The following IQCM variants were observed in gnomAD, a reference collection of about 807,000 sequenced individuals.
IQCM encodes IQ motif containing M.
IQCM carries 45 observed loss-of-function variants against 57.6 expected under a neutral mutation model. The ratio of observed to expected loss-of-function variants is 0.78; its 90% CI spans 0.62 to 1.00. The LOEUF (loss-of-function observed/expected upper bound fraction) is 1.00. IQCM is among the 50% of genes least tolerant of loss of function. The probability of loss-of-function intolerance (pLI) is 0.00; values close to 1 mark genes in which losing one functional copy is unlikely to be tolerated. For synonymous variants in IQCM, 148 were observed against 158.9 expected, an observed-to-expected ratio of 0.93 and a Z score of 0.51; for missense variants, 468 against 511.6, an observed-to-expected ratio of 0.91 and a Z score of 0.82.
At position 149,587,163 on chromosome 4, in the gene IQCM, C is replaced by T. The variant is rs77760880; in HGVS notation, c.749+767G>A. Among the ~76,000 whole-genome samples, 34 of 151,850 alleles carry T rather than the reference C, an allele frequency of 2.2e-4. No individual in the cohort carries two copies. The East Asian group carries it at 6.4e-3, about 29-fold the overall frequency. ...CTGAGGTTTTCTGCCTAAGTTCTCA[C>T]TATCTTACACTGCATGACGTTGGAA... On this transcript the variant is annotated intron_variant, in intron 9 of 13. Coordinates refer to ENST00000636793, the MANE Select transcript of IQCM (RefSeq NM_001363507.2).
chr4:149,610,413 C>T (rs866111617), intron 8 of IQCM, among the ~76,000 whole-genome samples: 29 of 151,930 alleles, frequency 1.9e-4, no homozygotes, highest in African/African-American at 6.0e-4. Flanking sequence ...CCCTGAATAG[C>T]CAAAGCAATC....
chr4:149,452,844 T>C (rs1737272024), intron 12 of IQCM, among the ~76,000 whole-genome samples: 1 of 151,318 alleles, frequency 6.6e-6, no homozygotes, highest in Admixed American at 6.6e-5. Flanking sequence ...GATTATTCTC[T>C]AGCAAAGTTT....
At chr4:149,472,927 C>A (rs1481016020) in intron 12 of IQCM, among the ~76,000 whole-genome samples, 14 of 152,006 alleles carry the variant, frequency 9.2e-5, no homozygotes, top group Non-Finnish European at 1.3e-4. Context: ...CATATGTAGA[C>A]AGCTGAAACT....
chr4:149,471,706 A>G (rs1739571660), intron 12 of IQCM, among the ~76,000 whole-genome samples: 1 of 152,120 alleles, frequency 6.6e-6, no homozygotes, highest in African/African-American at 2.4e-5. Flanking sequence ...GATGAACATC[A>G]ATGCAAAAAT....
rs138024627 is a variant in IQCM at position 149,496,807 on chromosome 4, T to C, written c.1228+51648A>G. ...TCACTAATTTGCTCATTTTATTATT[T>C]TTATAATTCCTTTCATTCAATATTC... On this transcript the variant is annotated intron_variant, in intron 12 of 13. Transcript: ENST00000636793. Among the ~76,000 whole-genome samples the C allele has an allele frequency of 1.8e-3, 271 of 152,312 alleles. 1 individual carries two copies. The highest frequency in any genetic ancestry group is 6.1e-3 in the African/African-American group (254 of 41,578).
At chr4:149,755,078 A>G (rs1580210629) in intron 2 of IQCM, among the ~76,000 whole-genome samples, 1 of 152,126 alleles carries the variant, frequency 6.6e-6, no homozygotes, top group African/African-American at 2.4e-5. Flanking sequence ...TCTACCTTCA[A>G]AATATATTCA....
At chr4:149,643,371 T>C (rs779413096) in intron 7 of IQCM, among the ~76,000 whole-genome samples, 10 of 152,178 alleles carry the variant, frequency 6.6e-5, no homozygotes, top group Non-Finnish European at 1.2e-4. Flanking sequence ...TCACTATCAC[T>C]TTGTGCTAAG....
At chr4:149,673,595 C>T (rs1761499371) in intron 7 of IQCM, among the ~76,000 whole-genome samples, 2 of 152,024 alleles carry the variant, frequency 1.3e-5, no homozygotes, top group African/African-American at 2.4e-5. Context: ...TATATGCACC[C>T]AATACAGGAG....
At chr4:149,379,597 T>A (rs1036654918) in intron 13 of IQCM, among the ~76,000 whole-genome samples, 3 of 152,196 alleles carry the variant, frequency 2.0e-5, no homozygotes, top group Non-Finnish European at 4.4e-5. Flanking sequence ...GGAATAGCTG[T>A]ATTTACCCAA....
At chr4:149,726,676 A>C (rs2149872116) in intron 5 of IQCM, among the ~76,000 whole-genome samples, 1 of 152,300 alleles carries the variant, frequency 6.6e-6, no homozygotes, top group East Asian at 1.9e-4. Context: ...GAGCACTTGA[A>C]ATGTGGCTAG....
intron 2 of IQCM, among the ~76,000 whole-genome samples, chr4:149,778,564 C>CT (rs1771321708): frequency 6.6e-6 from 1 of 151,724 alleles, no homozygotes; most frequent in Middle Eastern, 3.4e-3. Flanking sequence ...GAGCAAAAAC[C>CT]CAATTATTTG....
chr4:149,356,796 C>G (rs1311582106), intron 13 of IQCM, among the ~76,000 whole-genome samples: 2 of 152,116 alleles, frequency 1.3e-5, no homozygotes, highest in African/African-American at 4.8e-5. Context: ...TCATTGGTAG[C>G]TTGATGGGGA....
chr4:149,543,484 T>C (rs1332579306), intron 12 of IQCM, among the ~76,000 whole-genome samples: 1 of 151,118 alleles, frequency 6.6e-6, no homozygotes, highest in Non-Finnish European at 1.5e-5. Flanking sequence ...TTGCGATAGT[T>C]TACTGAGAAT....
intron 8 of IQCM, among the ~76,000 whole-genome samples, chr4:149,604,467 A>G (rs889653829): frequency 1.3e-5 from 2 of 152,228 alleles, no homozygotes; most frequent in African/African-American, 2.4e-5. Context: ...TAATGAATAC[A>G]TGACTTTTAA....
intron 9 of IQCM, among the ~76,000 whole-genome samples, chr4:149,567,668 C>T (rs1225741413): frequency 6.6e-6 from 1 of 151,892 alleles, no homozygotes; most frequent in Non-Finnish European, 1.5e-5. Flanking sequence ...ATTAAAAAAA[C>T]AAACAAACAA....
intron 8 of IQCM, among the ~76,000 whole-genome samples, chr4:149,617,162 T>C (rs1755866326): frequency 6.6e-6 from 1 of 151,874 alleles, no homozygotes; most frequent in African/African-American, 2.4e-5. Context: ...TCCATGTTGC[T>C]CAGGGTGGTC....
At chr4:149,413,850 T>G (rs965311907) in intron 13 of IQCM, among the ~76,000 whole-genome samples, 15 of 152,208 alleles carry the variant, frequency 9.9e-5, no homozygotes, top group African/African-American at 3.6e-4. Flanking sequence ...TTCACTGAAA[T>G]GTTGACATGT....
rs548261809 is a variant in IQCM, at chr4:149,769,611, A to T, written c.-48-26872T>A. ...TAGAAAAGGTAGACCACGCCACAGTAATCAAAATAAAAAAATGGAGTAGCT... is the reference window on the plus strand; with the variant it reads ...TAGAAAAGGTAGACCACGCCACAGTTATCAAAATAAAAAAATGGAGTAGCT... On this transcript the variant is annotated intron_variant, in intron 2 of 13. Transcript: ENST00000636793. Among the ~76,000 whole-genome samples, 13 of 152,158 alleles carry T rather than the reference A, an allele frequency of 8.5e-5. No individual in the cohort carries two copies. In the South Asian group the frequency reaches 2.3e-3, roughly 27 times the overall value.
At chr4:149,608,167 GA>G (rs1157285247) in intron 8 of IQCM, among the ~76,000 whole-genome samples, 1 of 151,878 alleles carries the variant, frequency 6.6e-6, no homozygotes, top group Non-Finnish European at 1.5e-5. Context: ...AAGGAACAAA[GA>G]AGGTTATTAT....
Sources: gnomAD v4.1 joint callset for allele counts (sites outside exome capture counted in the v4.1 genomes callset) on GRCh38, gnomAD v4.1.1 for gene constraint, MANE v1.5 for transcripts, NCBI Gene and HGNC (gene_info 2026-07-23, HGNC 2026-07-21) for gene names.